The following COL25A1 variants were observed in gnomAD, a reference collection of about 807,000 sequenced individuals.
COL25A1 encodes collagen type XXV alpha 1 chain, also known as collagen alpha-1(XXV) chain.
Under a neutral mutation model 128.4 loss-of-function variants are expected in COL25A1, and 103 were observed. The ratio of observed to expected loss-of-function variants is 0.80; its 90% CI spans 0.68 to 0.94. COL25A1 has a LOEUF of 0.94. Ranked by LOEUF, COL25A1 falls within the 40% of genes least tolerant of loss-of-function variation. COL25A1 has a pLI of 0.00. For synonymous variants in COL25A1, 279 were observed against 277.2 expected, an observed-to-expected ratio of 1.01 and a Z score of -0.06; for missense variants, 745 against 840.0, an observed-to-expected ratio of 0.89 and a Z score of 1.40.
chr4:109,027,191 C>T (rs1002113918), intron 5 of COL25A1, among the ~76,000 whole-genome samples: 2 of 151,960 alleles, frequency 1.3e-5, no homozygotes, highest in Non-Finnish European at 2.9e-5. Flanking sequence ...TGGCAGACAG[C>T]GATAAGGACT....
chr4:109,103,965 A>G (rs1766155031), intron 3 of COL25A1, among the ~76,000 whole-genome samples: 2 of 152,254 alleles, frequency 1.3e-5, no homozygotes, highest in Admixed American at 6.5e-5. Flanking sequence ...TTTCTTTTCT[A>G]TAGAAATTAT....
intron 3 of COL25A1, among the ~76,000 whole-genome samples, chr4:109,078,056 G>C (rs945762753): frequency 6.6e-6 from 1 of 152,078 alleles, no homozygotes; most frequent in Non-Finnish European, 1.5e-5. Flanking sequence ...CCATTATCCG[G>C]GTCTGTCCAG....
intron 3 of COL25A1, among the ~76,000 whole-genome samples, chr4:109,271,913 T>C (rs1205816746): frequency 6.6e-6 from 1 of 152,176 alleles, no homozygotes; most frequent in Non-Finnish European, 1.5e-5. Flanking sequence ...ATTCAACTTG[T>C]TATAAAGTGC....
chr4:108,925,320 G>A (rs1470441429), intron 11 of COL25A1, among the ~76,000 whole-genome samples: 1 of 152,020 alleles, frequency 6.6e-6, no homozygotes, highest in East Asian at 1.9e-4. Context: ...TGGATTGTGA[G>A]AAGTAGATGG....
At chr4:109,171,472 T>C (rs1220350879) in intron 3 of COL25A1, among the ~76,000 whole-genome samples, 4 of 152,170 alleles carry the variant, frequency 2.6e-5, no homozygotes, top group Non-Finnish European at 1.5e-5. Flanking sequence ...AGCTAAGCAA[T>C]AAGTGTTTGT....
intron 3 of COL25A1, among the ~76,000 whole-genome samples, chr4:109,163,283 C>G (rs1772754490): frequency 6.6e-6 from 1 of 152,200 alleles, no homozygotes; most frequent in African/African-American, 2.4e-5. Flanking sequence ...TCAAATCCAG[C>G]AAGGTTTAGA....
chr4:108,942,297 C>T (rs1190533027), intron 8 of COL25A1: 3 of 1,547,318 alleles, frequency 1.9e-6, no homozygotes, highest in Non-Finnish European at 2.6e-6. Flanking sequence ...ACCAAAACAA[C>T]ACGACATAAA....
At chr4:109,181,933 A>T (rs1466554439) in intron 3 of COL25A1, among the ~76,000 whole-genome samples, 2 of 152,094 alleles carry the variant, frequency 1.3e-5, no homozygotes, top group African/African-American at 4.8e-5. Context: ...TTCGACATGT[A>T]AGTGAGATCA....
intron 6 of COL25A1, among the ~76,000 whole-genome samples, chr4:108,975,215 G>A (rs965707970): frequency 6.6e-6 from 1 of 152,230 alleles, no homozygotes; most frequent in African/African-American, 2.4e-5. Flanking sequence ...AGCACTTGGG[G>A]AGGCCAAAGC....
chr4:109,184,023 A>G (rs969473127), intron 3 of COL25A1, among the ~76,000 whole-genome samples: 2 of 152,082 alleles, frequency 1.3e-5, no homozygotes, highest in Non-Finnish European at 2.9e-5. Context: ...CTGTTGTCCA[A>G]AATTTTTCAG....
At chr4:108,887,428 G>A (rs1740963280) in intron 18 of COL25A1, among the ~76,000 whole-genome samples, 1 of 152,152 alleles carries the variant, frequency 6.6e-6, no homozygotes, top group Non-Finnish European at 1.5e-5. Flanking sequence ...TTAAATCAGT[G>A]TTGGGCTAAG....
At chr4:109,268,207 T>C (rs1279482664) in intron 3 of COL25A1, among the ~76,000 whole-genome samples, 1 of 152,190 alleles carries the variant, frequency 6.6e-6, no homozygotes, top group Non-Finnish European at 1.5e-5. Flanking sequence ...ATTAAGAAAT[T>C]TGGGCGACTG....
At chr4:108,815,724 G>T (rs1731189061) in intron 37 of COL25A1, among the ~76,000 whole-genome samples, 1 of 152,032 alleles carries the variant, frequency 6.6e-6, no homozygotes, top group Non-Finnish European at 1.5e-5. Flanking sequence ...ACCATTTCAT[G>T]AACCAAAAAG....
At chr4:108,979,939 C>T (rs942268285) in intron 6 of COL25A1, among the ~76,000 whole-genome samples, 2 of 151,852 alleles carry the variant, frequency 1.3e-5, no homozygotes, top group Admixed American at 6.6e-5. Context: ...AGGAGTAAGG[C>T]GATGGAAGAT....
At position 109,270,525 on chromosome 4, in the gene COL25A1, A is replaced by G. The variant is rs188264336; in HGVS notation, c.367+30058T>C. Among the ~76,000 whole-genome samples, 550 of 152,308 alleles carry G rather than the reference A, an allele frequency of 3.6e-3. 4 individuals carry two copies. Among genetic ancestry groups the G allele is most frequent in the Admixed American group, 8.0e-3 (122 of 15,296 alleles). On this transcript the variant is annotated intron_variant, in intron 3 of 37. Transcript: ENST00000399132. ...ATCCAACTTACAAGGGATGTGAAAGATGCAAATTCTTAAAGGGCAGGTCCT... is the reference window on the plus strand; with the variant it reads ...ATCCAACTTACAAGGGATGTGAAAGGTGCAAATTCTTAAAGGGCAGGTCCT...
intron 3 of COL25A1, among the ~76,000 whole-genome samples, chr4:109,201,239 A>G (rs932145953): frequency 2.0e-5 from 3 of 152,200 alleles, no homozygotes; most frequent in Admixed American, 6.5e-5. Flanking sequence ...ATGATAAAGA[A>G]TAGAGTTTAA....
At chr4:109,300,484 T>C in intron 3 of COL25A1, 99 bp downstream of exon 3, 1 of 795,062 alleles carries the variant, frequency 1.3e-6, no homozygotes, top group Non-Finnish European at 2.1e-6. Context: ...GTCTGCATTC[T>C]TTCTTTACTA....
At chr4:109,087,859 T>C (rs917107443) in intron 3 of COL25A1, among the ~76,000 whole-genome samples, 11 of 152,012 alleles carry the variant, frequency 7.2e-5, no homozygotes, top group African/African-American at 2.7e-4. Flanking sequence ...TGGACTGAGA[T>C]ATACACTGTT....
chr4:108,993,595 C>CA (rs777227083), intron 6 of COL25A1, among the ~76,000 whole-genome samples: 1 of 152,182 alleles, frequency 6.6e-6, no homozygotes, highest in Admixed American at 6.5e-5. Context: ...TGCGGTGACT[C>CA]ACGCCTGTAA....
Sources: gnomAD v4.1 joint callset for allele counts (sites outside exome capture counted in the v4.1 genomes callset) on GRCh38, gnomAD v4.1.1 for gene constraint, MANE v1.5 for transcripts, NCBI Gene and HGNC (gene_info 2026-07-23, HGNC 2026-07-21) for gene names.